AGXT2: variants seen among roughly 807,000 people sequenced by gnomAD.
AGXT2 encodes alanine--glyoxylate aminotransferase 2.
Under a neutral mutation model 62.5 loss-of-function variants are expected in AGXT2, and 61 were observed. The observed-to-expected ratio is 0.98, with a 90% CI of 0.79 to 1.21. The LOEUF (loss-of-function observed/expected upper bound fraction) is 1.21. Among genes scored for constraint, AGXT2 ranks in the 50% most tolerant of loss-of-function variants. The pLI is 0.00. For missense variants in AGXT2, 666 were observed against 641.5 expected (o/e 1.04, Z -0.41); for synonymous variants, 243 against 218.7 (o/e 1.11, Z -0.98).
rs539526912 is a variant in AGXT2 at position 35,047,685 on chromosome 5, T to G, written c.88+120A>C. On this transcript the variant is annotated intron_variant, in intron 1 of 13. Coordinates refer to ENST00000231420, the MANE Select transcript of AGXT2 (RefSeq NM_031900.4). ...AGAACCTGTGTGTCAAAAACATGCCTCATCTCTAAGACCTCACCCAGGTCT... is the reference window on the plus strand; with the variant it reads ...AGAACCTGTGTGTCAAAAACATGCCGCATCTCTAAGACCTCACCCAGGTCT... 3.8e-6 allele frequency: 5 copies of G among 1,308,698 alleles called. No individual in the cohort carries two copies. In the African/African-American group the frequency reaches 7.4e-5, roughly 19 times the overall value. The allele number at this position is 1,308,698 out of a possible 1,614,324, so 81.1% of individuals were successfully genotyped here.
intron 7 of AGXT2, among the ~76,000 whole-genome samples, chr5:35,028,453 A>T (rs1313162975): frequency 1.3e-5 from 2 of 151,862 alleles, no homozygotes; most frequent in African/African-American, 4.8e-5. Flanking sequence ...ATGGGAGAGG[A>T]CTAGAGATGA....
intron 5 of AGXT2, 44 bp downstream of exon 5, chr5:35,035,178 G>A (rs376014465): frequency 6.8e-6 from 10 of 1,467,980 alleles, no homozygotes; most frequent in South Asian, 4.5e-5. Flanking sequence ...TAGAATGGGG[G>A]TAAGTCAGTG....
chr5:35,039,550 A>T (rs1297109758), intron 2 of AGXT2, 42 bp from the exon 3 acceptor site: 3 of 1,593,462 alleles, frequency 1.9e-6, no homozygotes, highest in Non-Finnish European at 8.6e-7. Context: ...TTCTTACAAG[A>T]TCAATAGCAG....
intron 9 of AGXT2, among the ~76,000 whole-genome samples, chr5:35,022,250 G>A (rs1403068004): frequency 1.3e-5 from 2 of 152,028 alleles, no homozygotes; most frequent in Admixed American, 6.6e-5. Flanking sequence ...TATAAATCAC[G>A]CTGCTATAAA....
chr5:35,041,028 C>A (rs899965400), intron 1 of AGXT2, among the ~76,000 whole-genome samples: 1 of 151,894 alleles, frequency 6.6e-6, no homozygotes, highest in Non-Finnish European at 1.5e-5. Flanking sequence ...AATAGAGGTG[C>A]TTTTTAGGCT....
intron 13 of AGXT2, among the ~76,000 whole-genome samples, chr5:34,999,794 A>G (rs1186838494): frequency 6.6e-6 from 1 of 152,178 alleles, no homozygotes; most frequent in Non-Finnish European, 1.5e-5. Context: ...ATCCATTTTT[A>G]TAAACTTTCC....
At chr5:35,021,642 C>A (rs1767093102) in intron 9 of AGXT2, among the ~76,000 whole-genome samples, 1 of 152,042 alleles carries the variant, frequency 6.6e-6, no homozygotes, top group Non-Finnish European at 1.5e-5. Flanking sequence ...CTAGGCATTA[C>A]CATTCAGGAC....
chr5:35,033,775 A>G (rs1404098353), intron 5 of AGXT2, among the ~76,000 whole-genome samples: 1 of 152,206 alleles, frequency 6.6e-6, no homozygotes, highest in East Asian at 1.9e-4. Context: ...AATTTTGGAG[A>G]ACATTTGTCC....
intron 9 of AGXT2, 109 bp downstream of exon 9, chr5:35,025,654 T>C (rs1296280714): frequency 1.7e-6 from 2 of 1,164,480 alleles, no homozygotes; most frequent in Admixed American, 1.9e-5. Context: ...AACTTTGGAA[T>C]TCACAGAGCA....
At chr5:34,998,951 G>T in intron 13 of AGXT2, 125 bp from the exon 14 acceptor site, 1 of 763,336 alleles carries the variant, frequency 1.3e-6, no homozygotes, top group Non-Finnish European at 2.3e-6. Flanking sequence ...CTCTCAGTTT[G>T]GTTCCTCCTC....
At chr5:35,002,651 G>A (rs1766272643) in intron 13 of AGXT2, among the ~76,000 whole-genome samples, 1 of 152,298 alleles carries the variant, frequency 6.6e-6, no homozygotes. Flanking sequence ...CTTAGAAAGA[G>A]CGCCCTCACC....
intron 7 of AGXT2, among the ~76,000 whole-genome samples, chr5:35,032,389 C>T (rs1309207659): frequency 6.6e-6 from 1 of 152,170 alleles, no homozygotes; most frequent in Non-Finnish European, 1.5e-5. Context: ...CCACGCCCAG[C>T]TTGTTGTCTT....
At chr5:35,032,946 A>G in intron 6 of AGXT2, 121 bp from the exon 7 acceptor site, 1 of 793,354 alleles carries the variant, frequency 1.3e-6, no homozygotes, top group Non-Finnish European at 2.1e-6. Flanking sequence ...TTCTTCCCCC[A>G]CTTAAGATGA....
intron 3 of AGXT2, among the ~76,000 whole-genome samples, chr5:35,038,428 G>C (rs537883955): frequency 2.6e-5 from 4 of 152,298 alleles, no homozygotes; most frequent in Admixed American, 6.5e-5. Context: ...TTTGTCCTAC[G>C]TTTGAAATTG....
Position 35,035,306 on chromosome 5 carries a change from A to C in AGXT2, c.497T>G (p.Leu166Trp). The change falls in exon 5 of 14, where the codon TTG (leucine) becomes TGG (tryptophan). Residue 166 changes from leucine to tryptophan, a missense_variant. Transcript: ENST00000231420. ...LLPEPLKVIF[L>W]VNSGSEANEL... ...ATTGGCTTCTGAGCCACTGTTCACCAAGAAAATGACCTGGAGAGGAAAGGA... is the reference window on the plus strand; with the variant it reads ...ATTGGCTTCTGAGCCACTGTTCACCCAGAAAATGACCTGGAGAGGAAAGGA... The C allele has an allele frequency of 3.1e-6, 5 of 1,613,926 alleles. No individual in the cohort carries two copies. The highest frequency in any genetic ancestry group is 4.2e-6 in the Non-Finnish European group (5 of 1,179,926).
intron 1 of AGXT2, among the ~76,000 whole-genome samples, chr5:35,042,505 C>T (rs1768022973): frequency 6.6e-6 from 1 of 152,006 alleles, no homozygotes; most frequent in Admixed American, 6.6e-5. Flanking sequence ...TAATAAATAA[C>T]TAAAACTCAA....
intron 9 of AGXT2, among the ~76,000 whole-genome samples, chr5:35,020,253 G>T (rs1024822457): frequency 3.3e-5 from 5 of 152,018 alleles, no homozygotes; most frequent in African/African-American, 9.7e-5. Context: ...TACCAAAGCC[G>T]GGCAGAGACA....
chr5:35,024,641 T>C (rs1385347830), intron 9 of AGXT2, among the ~76,000 whole-genome samples: 2 of 152,204 alleles, frequency 1.3e-5, no homozygotes, highest in African/African-American at 4.8e-5. Flanking sequence ...GGTACTCCTC[T>C]AATTTAGAGG....
chr5:35,033,164 A>G lies in AGXT2; in HGVS notation c.675+296T>C, dbSNP rs149959190. Reference sequence around the variant, plus strand: ...CAGTAAGTGGGAACAGAAGGTGAGTACAGTGATGACTGCATAGAAGTTTTG... The same window carrying G: ...CAGTAAGTGGGAACAGAAGGTGAGTGCAGTGATGACTGCATAGAAGTTTTG... On this transcript the variant is annotated intron_variant, in intron 6 of 13. Transcript: ENST00000231420. 1.9e-3 allele frequency: 913 copies of G among 486,154 alleles called. 6 individuals carry two copies. The highest frequency in any genetic ancestry group is 1.9e-3 in the Non-Finnish European group (496 of 267,536). 30.1% of individuals were successfully genotyped at this position (486,154 alleles called of 1,614,324 possible).
Sources: allele counts gnomAD v4.1 joint callset (sites outside exome capture counted in the v4.1 genomes callset), GRCh38; gene constraint gnomAD v4.1.1; transcripts MANE v1.5; gene names NCBI Gene and HGNC (gene_info 2026-07-23, HGNC 2026-07-21).